CCDC7: variants seen among roughly 807,000 people sequenced by gnomAD.
The protein encoded by CCDC7 is coiled-coil domain containing 7, also known as coiled-coil domain-containing protein 7.
Under a neutral mutation model 196.9 loss-of-function variants are expected in CCDC7, and 183 were observed. That is an observed-to-expected ratio of 0.93 (90% CI 0.82 to 1.05). The LOEUF (loss-of-function observed/expected upper bound fraction) is 1.05, where lower values mean the gene tolerates loss of function less well. Ranked by LOEUF, CCDC7 falls within the 50% of genes least tolerant of loss-of-function variation. CCDC7 has a pLI of 0.00. For synonymous variants in CCDC7, 525 were observed against 484.6 expected, an observed-to-expected ratio of 1.08 and a Z score of -1.10; for missense variants, 1,540 against 1,482.2, an observed-to-expected ratio of 1.04 and a Z score of -0.64.
chr10:32,773,451 T>C (rs940370691), intron 28 of CCDC7, among the ~76,000 whole-genome samples: 3 of 152,154 alleles, frequency 2.0e-5, no homozygotes, highest in Admixed American at 6.5e-5. Flanking sequence ...TTAAGTCTGC[T>C]GTTAAGCTTT....
intron 28 of CCDC7, among the ~76,000 whole-genome samples, chr10:32,735,341 T>C (rs1176643063): frequency 1.3e-5 from 2 of 152,222 alleles, no homozygotes; most frequent in Non-Finnish European, 2.9e-5. Context: ...AGAGTTCCCA[T>C]GTTCCTTGCC....
intron 28 of CCDC7, among the ~76,000 whole-genome samples, chr10:32,777,723 G>A (rs964660300): frequency 7.2e-4 from 109 of 152,174 alleles, no homozygotes; most frequent in African/African-American, 2.4e-3. Flanking sequence ...AATTAGCCAG[G>A]TATGGTGGCA....
chr10:32,597,685 C>T (rs535729844), intron 18 of CCDC7, among the ~76,000 whole-genome samples: 92 of 152,288 alleles, frequency 6.0e-4, no homozygotes, highest in African/African-American at 1.9e-3. Flanking sequence ...ATGATGCTGA[C>T]GCACAGATGG....
chr10:32,809,568 G>C (rs900764380), intron 30 of CCDC7, among the ~76,000 whole-genome samples: 1 of 152,098 alleles, frequency 6.6e-6, no homozygotes, highest in Non-Finnish European at 1.5e-5. Flanking sequence ...GTGGGCAAAG[G>C]ATATGAACAG....
rs80095410 is a variant in CCDC7 at position 32,767,704 on chromosome 10, A to G, written c.2906-11273A>G. On this transcript the variant is annotated intron_variant, in intron 28 of 41. Coordinates refer to ENST00000639629, the Ensembl canonical transcript of CCDC7. The stretch of plus-strand genomic sequence containing the variant: ...AAGACCTAAACTTTTCAATGCCCAG[A>G]CATTAACAAATGTCCACAGGCATCA... 6.6e-3 allele frequency among the ~76,000 whole-genome samples: 1,004 copies of G among 152,270 alleles called. 6 individuals carry two copies. The highest frequency in any genetic ancestry group is 0.02 in the South Asian group (95 of 4,830).
At chr10:32,870,813 G>C (rs1296930362) in intron 41 of CCDC7, among the ~76,000 whole-genome samples, 1 of 152,122 alleles carries the variant, frequency 6.6e-6, no homozygotes, top group African/African-American at 2.4e-5. Context: ...ACGAGTTGTT[G>C]AATTTTGTCA....
intron 11 of CCDC7, among the ~76,000 whole-genome samples, chr10:32,540,324 C>G (rs546516403): frequency 6.6e-6 from 1 of 152,248 alleles, no homozygotes; most frequent in South Asian, 2.1e-4. Context: ...CCCATTTTGC[C>G]TGAAATTAGG....
intron 20 of CCDC7, among the ~76,000 whole-genome samples, chr10:32,644,552 A>G (rs531016835): frequency 6.6e-6 from 1 of 152,128 alleles, no homozygotes; most frequent in Non-Finnish European, 1.5e-5. Context: ...GGCTGGTGAT[A>G]TGGTTTGGCT....
chr10:32,749,818 T>G (rs2133418554), intron 28 of CCDC7, among the ~76,000 whole-genome samples: 1 of 152,288 alleles, frequency 6.6e-6, no homozygotes, highest in South Asian at 2.1e-4. Context: ...TTCATAAGAC[T>G]TACGTGTAAA....
intron 41 of CCDC7, among the ~76,000 whole-genome samples, chr10:32,868,315 A>T (rs2094285087): frequency 6.6e-6 from 1 of 151,866 alleles, no homozygotes; most frequent in South Asian, 2.1e-4. Context: ...TCTATTGTTA[A>T]TTTTTTGAGA....
chr10:32,741,045 C>G (rs1440075138), intron 28 of CCDC7, among the ~76,000 whole-genome samples: 1 of 151,964 alleles, frequency 6.6e-6, no homozygotes, highest in Non-Finnish European at 1.5e-5. Context: ...ACTATATAAT[C>G]TTACTTTAAT....
chr10:32,842,250 GA>G lies in CCDC7; in HGVS notation c.3353-2983del, dbSNP rs943568374. On this transcript the variant is annotated intron_variant, in intron 33 of 41. Coordinates refer to ENST00000639629, the Ensembl canonical transcript of CCDC7. Reference sequence around the variant, plus strand: ...ATCTACAAAGAACTCAAATCAGCAAGAAAAAAAAAATCCCATCAAAAAGTGG... The same window carrying G: ...ATCTACAAAGAACTCAAATCAGCAAGAAAAAAAAATCCCATCAAAAAGTGG... Among the ~76,000 whole-genome samples, 40 of 146,622 alleles carry G rather than the reference GA, an allele frequency of 2.7e-4. No homozygotes were observed. In the East Asian group the frequency reaches 5.6e-3, roughly 20 times the overall value.
At chr10:32,757,862 C>G (rs1410913620) in intron 28 of CCDC7, among the ~76,000 whole-genome samples, 2 of 151,992 alleles carry the variant, frequency 1.3e-5, no homozygotes, top group Non-Finnish European at 2.9e-5. Context: ...ACTAGCAAGA[C>G]TAATAAAGAA....
At chr10:32,658,149 C>G (rs938746679) in intron 20 of CCDC7, among the ~76,000 whole-genome samples, 2 of 152,188 alleles carry the variant, frequency 1.3e-5, no homozygotes, top group African/African-American at 4.8e-5. Flanking sequence ...CCAAACTGCT[C>G]CAACCTCTGC....
At chr10:32,448,921 A>T, upstream of CCDC7, among the ~76,000 whole-genome samples, 1 of 151,976 alleles carries the variant, frequency 6.6e-6, no homozygotes, top group South Asian at 2.1e-4. Flanking sequence ...TGATCTTTGC[A>T]TTATTTTTTA....
At chr10:32,564,010 C>T (rs961641039) in intron 13 of CCDC7, among the ~76,000 whole-genome samples, 1 of 152,172 alleles carries the variant, frequency 6.6e-6, no homozygotes, top group African/African-American at 2.4e-5. Flanking sequence ...AGACACTTCT[C>T]AAAAGAAGAC....
At chr10:32,549,373 C>T (rs976889809) in intron 13 of CCDC7, among the ~76,000 whole-genome samples, 2 of 152,130 alleles carry the variant, frequency 1.3e-5, no homozygotes, top group African/African-American at 2.4e-5. Context: ...TGTCTGATTA[C>T]TCTGCTGACT....
intron 41 of CCDC7, among the ~76,000 whole-genome samples, chr10:32,871,756 C>G (rs1407772196): frequency 6.6e-6 from 1 of 152,130 alleles, no homozygotes. Context: ...AAATTTCCCT[C>G]TACACACTGC....
chr10:32,448,591 A>T (rs750954753), upstream of CCDC7, among the ~76,000 whole-genome samples: 1 of 152,010 alleles, frequency 6.6e-6, no homozygotes, highest in South Asian at 2.1e-4. Context: ...AGTATGTTAT[A>T]CTATTTGGTA....
Sources: gnomAD v4.1 joint callset for allele counts (sites outside exome capture counted in the v4.1 genomes callset) on GRCh38, gnomAD v4.1.1 for gene constraint, MANE v1.5 for transcripts, NCBI Gene and HGNC (gene_info 2026-07-23, HGNC 2026-07-21) for gene names.